The following UBE2D2 variants were observed in gnomAD, a reference collection of about 807,000 sequenced individuals.
UBE2D2 encodes ubiquitin conjugating enzyme E2 D2, also known as ubiquitin-conjugating enzyme E2 D2.
UBE2D2 carries 2 observed loss-of-function variants against 24.2 expected under a neutral mutation model. The observed-to-expected ratio is 0.08, with a 90% confidence interval of 0.03 to 0.26. The LOEUF (loss-of-function observed/expected upper bound fraction) is 0.26, where lower values mean the gene tolerates loss of function less well. Ranked by LOEUF, UBE2D2 falls within the 10% of genes least tolerant of loss-of-function variation. The pLI is 1.00. For missense variants in UBE2D2, 44 were observed against 177.6 expected (o/e 0.25, Z 4.28); for synonymous variants, 58 against 56.5 (o/e 1.03, Z -0.12).
intron 5 of UBE2D2, among the ~76,000 whole-genome samples, chr5:139,617,028 A>G (rs1422603022): frequency 6.6e-6 from 1 of 151,972 alleles, no homozygotes; most frequent in Non-Finnish European, 1.5e-5. Context: ...CTAAAAATAC[A>G]AAAAATTAGC....
At chr5:139,589,386 C>A (rs547905704) in intron 1 of UBE2D2, among the ~76,000 whole-genome samples, 1 of 152,240 alleles carries the variant, frequency 6.6e-6, no homozygotes, top group Non-Finnish European at 1.5e-5. Context: ...TAGTGAAACC[C>A]TGTTTCTAAC....
At chr5:139,584,935 T>C (rs1011899605) in intron 1 of UBE2D2, among the ~76,000 whole-genome samples, 17 of 151,434 alleles carry the variant, frequency 1.1e-4, no homozygotes, top group African/African-American at 3.6e-4. Context: ...AGGTTCGCTC[T>C]TGTTGCCCAG....
intron 2 of UBE2D2, among the ~76,000 whole-genome samples, chr5:139,613,777 C>T (rs998285618): frequency 4.6e-5 from 7 of 152,064 alleles, no homozygotes; most frequent in African/African-American, 7.2e-5. Context: ...TTTTGTCCCC[C>T]GTATACCAGC....
At chr5:139,552,267 A>G (rs946193425) in intron 1 of UBE2D2, among the ~76,000 whole-genome samples, 1 of 151,758 alleles carries the variant, frequency 6.6e-6, no homozygotes, top group Non-Finnish European at 1.5e-5. Flanking sequence ...GGTTCAAGCA[A>G]TTGTCCTGCC....
intron 2 of UBE2D2, 108 bp downstream of exon 2, chr5:139,600,543 T>C (rs1181646294): frequency 7.7e-6 from 8 of 1,033,384 alleles, no homozygotes; most frequent in Non-Finnish European, 8.6e-6. Flanking sequence ...TAGTGGCCCA[T>C]GAAGGGAGCA....
At chr5:139,537,362 C>G (rs1200100165) in intron 1 of UBE2D2, among the ~76,000 whole-genome samples, 1 of 152,044 alleles carries the variant, frequency 6.6e-6, no homozygotes, top group Non-Finnish European at 1.5e-5. Flanking sequence ...TTTTTAACAG[C>G]TTTATTGAGA....
At position 139,537,727 on chromosome 5, in the gene UBE2D2, G is replaced by A. The variant is rs57856456; in HGVS notation, c.-64+11115G>A. 8.6e-5 allele frequency among the ~76,000 whole-genome samples: 13 copies of A among 151,974 alleles called. No individual in the cohort carries two copies. The South Asian group carries it at 1.0e-3, about 12-fold the overall frequency. ...CGCCTGTAATCCCAGCACTTTGGGA[G>A]GCCAAGGTGGGCGGATCACGAGGTC... On this transcript the variant is annotated intron_variant, in intron 1 of 6. Transcript: ENST00000511725.
At chr5:139,535,534 C>A (rs1016613994) in intron 1 of UBE2D2, among the ~76,000 whole-genome samples, 3 of 151,904 alleles carry the variant, frequency 2.0e-5, no homozygotes, top group Non-Finnish European at 4.4e-5. Flanking sequence ...GAGGCTGAGG[C>A]GGGAGAATTG....
chr5:139,526,537 C>G (rs559701761), exon 1 of UBE2D2: 3 of 152,270 alleles, frequency 2.0e-5, no homozygotes, highest in Admixed American at 1.3e-4. Flanking sequence ...GTGTAGCAGG[C>G]CCCCGCGGAG....
At chr5:139,598,069 T>G (rs1279913749) in intron 1 of UBE2D2, among the ~76,000 whole-genome samples, 7 of 152,030 alleles carry the variant, frequency 4.6e-5, no homozygotes, top group African/African-American at 1.4e-4. Context: ...GCCTGGCTAA[T>G]TTTTTATATT....
intron 2 of UBE2D2, among the ~76,000 whole-genome samples, chr5:139,609,613 C>T (rs962629323): frequency 6.0e-5 from 9 of 150,508 alleles, no homozygotes; most frequent in Non-Finnish European, 1.2e-4. Flanking sequence ...TCAGGTGATC[C>T]GCTCGCCTCG....
intron 5 of UBE2D2, among the ~76,000 whole-genome samples, chr5:139,620,357 C>T (rs1487316358): frequency 3.9e-5 from 6 of 152,148 alleles, no homozygotes; most frequent in African/African-American, 1.4e-4. Flanking sequence ...TAAAACCTGT[C>T]CTTTAAAGTT....
chr5:139,539,602 T>G (rs1011596632), intron 1 of UBE2D2, among the ~76,000 whole-genome samples: 2 of 151,264 alleles, frequency 1.3e-5, no homozygotes, highest in African/African-American at 4.9e-5. Context: ...TCCTAATTTA[T>G]TTTTTTTTAG....
chr5:139,623,714 CAG>C (rs1754561982), intron 6 of UBE2D2: 3 of 306,210 alleles, frequency 9.8e-6, no homozygotes, highest in African/African-American at 2.1e-5. Context: ...TTTTTTGAGA[CAG>C]GGTCTTACTC....
chr5:139,615,328 C>CA (rs1368526957), intron 5 of UBE2D2, among the ~76,000 whole-genome samples: 2 of 151,910 alleles, frequency 1.3e-5, no homozygotes, highest in Non-Finnish European at 2.9e-5. Context: ...ACTAAAAATA[C>CA]AAAAAAATTA....
chr5:139,617,946 T>C, intron 5 of UBE2D2, among the ~76,000 whole-genome samples: 1 of 151,304 alleles, frequency 6.6e-6, no homozygotes. Context: ...ATGTCAAGAC[T>C]CAATCTTAAA....
rs117781722 is a variant in UBE2D2 at position 139,590,518 on chromosome 5, T to C, written c.25-9854T>C. On this transcript the variant is annotated intron_variant, in intron 1 of 6. Transcript: ENST00000398733. ...TCTTTGTGGAAAAATATCTCAATAT[T>C]TTGAGGGAAAGCAAAGTACAGAAGA... Among the ~76,000 whole-genome samples, 644 of 151,530 alleles carry C rather than the reference T, an allele frequency of 4.2e-3. 11 individuals carry two copies. In the South Asian group the frequency reaches 0.043, roughly 10 times the overall value.
At chr5:139,605,876 C>T (rs570274089) in intron 2 of UBE2D2, among the ~76,000 whole-genome samples, 10 of 151,202 alleles carry the variant, frequency 6.6e-5, no homozygotes, top group East Asian at 3.9e-4. Flanking sequence ...GTAGCTGGGA[C>T]TATGGGTACA....
chr5:139,623,302 G>A lies in UBE2D2; in HGVS notation c.305-66G>A, dbSNP rs139760499. 1.3e-4 allele frequency: 149 copies of A among 1,186,658 alleles called. 1 individual carries two copies. Among genetic ancestry groups the A allele is most frequent in the African/African-American group, 9.6e-4 (63 of 65,872 alleles). The allele number at this position is 1,186,658 out of a possible 1,614,324, so 73.5% of individuals were successfully genotyped here. A position where few individuals can be genotyped will look rare whatever the true frequency, so the allele number is the denominator to read the frequency against. On this transcript the variant is annotated intron_variant, in intron 5 of 6. Coordinates refer to ENST00000398733, the MANE Select transcript of UBE2D2 (RefSeq NM_003339.3). ...TCTTAGAATTTTCTCATGTTTTGGC[G>A]TCTCATGTTTCTCTCAACCCTTTGC...
Sources: gnomAD v4.1 joint callset for allele counts (sites outside exome capture counted in the v4.1 genomes callset) on GRCh38, gnomAD v4.1.1 for gene constraint, MANE v1.5 for transcripts, NCBI Gene and HGNC (gene_info 2026-07-23, HGNC 2026-07-21) for gene names.